Variants in REDIC1 observed in about 807,000 individuals in gnomAD.
REDIC1 encodes the protein regulator of DNA class I crossover intermediates 1.
chr12:39,786,541 A>G, the REDIC1 span, among the ~76,000 whole-genome samples: 1 of 152,180 alleles, frequency 6.6e-6, no homozygotes, highest in Admixed American at 6.6e-5. Context: ...AGAGGGTTTC[A>G]AGGTATCTGG....
the REDIC1 span, among the ~76,000 whole-genome samples, chr12:39,773,085 A>G: frequency 6.6e-6 from 1 of 152,226 alleles, no homozygotes; most frequent in Admixed American, 6.5e-5. Flanking sequence ...CTGCTGGTAG[A>G]AGAACATAAT....
At chr12:39,815,219 A>C in the REDIC1 span, among the ~76,000 whole-genome samples, 1 of 152,224 alleles carries the variant, frequency 6.6e-6, no homozygotes, top group South Asian at 2.1e-4. Flanking sequence ...TCTGAAAGAA[A>C]CTTCCTGAAT....
chr12:39,838,399 A>C, the REDIC1 span, among the ~76,000 whole-genome samples: 17 of 146,106 alleles, frequency 1.2e-4, no homozygotes, highest in South Asian at 8.9e-4. Flanking sequence ...CTAGATGACG[A>C]GTTAGTGGGT....
chr12:39,896,027 C>T, the REDIC1 span, among the ~76,000 whole-genome samples: 1 of 130,986 alleles, frequency 7.6e-6, no homozygotes, highest in African/African-American at 2.9e-5. Context: ...TGTATACATA[C>T]ATGCATATGT....
chr12:39,711,648 CATGT>C, the REDIC1 span, among the ~76,000 whole-genome samples: 404 of 136,334 alleles, frequency 3.0e-3, 8 homozygotes, highest in African/African-American at 8.2e-3. Context: ...TGTGTATACA[CATGT>C]ATGTATGTCT....
chr12:39,884,077 C>T, the REDIC1 span, among the ~76,000 whole-genome samples: 1 of 152,124 alleles, frequency 6.6e-6, no homozygotes, highest in Non-Finnish European at 1.5e-5. Context: ...TGGAAAATGT[C>T]ATACATTGTA....
the REDIC1 span, among the ~76,000 whole-genome samples, chr12:39,688,177 A>G: frequency 6.6e-6 from 1 of 151,946 alleles, no homozygotes; most frequent in Admixed American, 6.6e-5. Context: ...AAGGACATGG[A>G]ACCTGTCTTT....
At chr12:39,829,021 G>A in the REDIC1 span, among the ~76,000 whole-genome samples, 8 of 152,018 alleles carry the variant, frequency 5.3e-5, no homozygotes, top group African/African-American at 1.4e-4. Context: ...TAGCTCCTAT[G>A]AGACACAATA....
the REDIC1 span, among the ~76,000 whole-genome samples, chr12:39,712,591 G>T: frequency 1.4e-5 from 2 of 141,518 alleles, no homozygotes; most frequent in East Asian, 2.1e-4. Context: ...ATGTATATAC[G>T]TATATACATA....
the REDIC1 span, among the ~76,000 whole-genome samples, chr12:39,734,587 T>A: frequency 2.3e-3 from 348 of 152,330 alleles, 2 homozygotes; most frequent in South Asian, 5.2e-3. Context: ...TAGGATTTTT[T>A]ATGTTTGTTT....
At chr12:39,804,113 T>C in the REDIC1 span, among the ~76,000 whole-genome samples, 4 of 151,866 alleles carry the variant, frequency 2.6e-5, no homozygotes, top group African/African-American at 9.7e-5. Flanking sequence ...AGGCAGTTGG[T>C]TAGAGTGGTG....
chr12:39,791,411 T>G, the REDIC1 span, among the ~76,000 whole-genome samples: 1 of 41,512 alleles, frequency 2.4e-5, no homozygotes, highest in Admixed American at 2.9e-4. Flanking sequence ...GGGTATTCAA[T>G]TAGGAAAAGA....
the REDIC1 span, among the ~76,000 whole-genome samples, chr12:39,661,650 TAGTTTA>T: frequency 2.0e-5 from 3 of 152,132 alleles, no homozygotes; most frequent in Non-Finnish European, 4.4e-5. Context: ...AGAAGCTTTT[TAGTTTA>T]ATATAGTCCC....
the REDIC1 span, among the ~76,000 whole-genome samples, chr12:39,870,036 GT>G: frequency 6.6e-6 from 1 of 152,132 alleles, no homozygotes; most frequent in African/African-American, 2.4e-5. Flanking sequence ...CTGGAGCTCT[GT>G]ATCAATAAGG....
At chr12:39,835,958 C>T in the REDIC1 span, among the ~76,000 whole-genome samples, 1 of 152,028 alleles carries the variant, frequency 6.6e-6, no homozygotes, top group Non-Finnish European at 1.5e-5. Flanking sequence ...GTGGTGAAAG[C>T]CACAAATATT....
the REDIC1 span, among the ~76,000 whole-genome samples, chr12:39,722,399 T>C: frequency 6.6e-6 from 1 of 152,096 alleles, no homozygotes; most frequent in South Asian, 2.1e-4. Flanking sequence ...ATGTTGATAG[T>C]TTTTCAAAAG....
the REDIC1 span, chr12:39,682,459 C>A: frequency 2.3e-5 from 10 of 435,462 alleles, no homozygotes; most frequent in Non-Finnish European, 3.0e-5. Context: ...TCACCCAAAG[C>A]AATATTATTT....
At chr12:39,907,097 T>G in the REDIC1 span, among the ~76,000 whole-genome samples, 1 of 152,150 alleles carries the variant, frequency 6.6e-6, no homozygotes, top group Non-Finnish European at 1.5e-5. Flanking sequence ...TGCTATCATA[T>G]TCATGCTTAA....
chr12:39,661,408 C>T, the REDIC1 span, among the ~76,000 whole-genome samples: 9 of 151,880 alleles, frequency 5.9e-5, no homozygotes, highest in African/African-American at 9.7e-5. Context: ...TGACTAGTGA[C>T]GTTGAGCATT....
Sources: gnomAD v4.1 joint callset for allele counts (sites outside exome capture counted in the v4.1 genomes callset) on GRCh38, gnomAD v4.1.1 for gene constraint, MANE v1.5 for transcripts, NCBI Gene and HGNC (gene_info 2026-07-23, HGNC 2026-07-21) for gene names.